DRC8: variants seen among roughly 807,000 people sequenced by gnomAD.
DRC8 encodes dynein regulatory complex subunit 8.
chr1:245,069,114 G>A, the DRC8 span, among the ~76,000 whole-genome samples: 3 of 151,988 alleles, frequency 2.0e-5, no homozygotes, highest in African/African-American at 7.3e-5. Context: ...ACAACATGGG[G>A]GTTCAAGGCA....
the DRC8 span, among the ~76,000 whole-genome samples, chr1:244,985,005 A>C: frequency 6.6e-6 from 1 of 151,362 alleles, no homozygotes; most frequent in Non-Finnish European, 1.5e-5. Flanking sequence ...TAAAATCCTT[A>C]ATGTCTTCCC....
the DRC8 span, among the ~76,000 whole-genome samples, chr1:245,051,232 A>G: frequency 6.9e-6 from 1 of 145,100 alleles, no homozygotes; most frequent in Non-Finnish European, 1.5e-5. Context: ...TCTATTAAGA[A>G]AAAAAAAAAA....
At chr1:245,070,163 C>T in the DRC8 span, among the ~76,000 whole-genome samples, 1,672 of 152,148 alleles carry the variant, frequency 0.011, 34 homozygotes, top group African/African-American at 0.037. Flanking sequence ...ATGAGGAGTC[C>T]GGGAACCAAT....
the DRC8 span, among the ~76,000 whole-genome samples, chr1:245,084,057 ATT>A: frequency 3.6e-4 from 23 of 64,006 alleles, no homozygotes; most frequent in South Asian, 6.3e-4. Flanking sequence ...GAATATAAAA[ATT>A]CCGCCCCCCC....
the DRC8 span, among the ~76,000 whole-genome samples, chr1:245,011,180 G>C: frequency 6.6e-6 from 1 of 152,158 alleles, no homozygotes. Flanking sequence ...TAAATAATTT[G>C]TAGATGAAAC....
the DRC8 span, among the ~76,000 whole-genome samples, chr1:245,117,561 T>G: frequency 1.3e-5 from 2 of 151,656 alleles, no homozygotes; most frequent in Non-Finnish European, 2.9e-5. Flanking sequence ...GGAGCTGGGA[T>G]TACAGGCGTG....
chr1:245,105,181 T>C, the DRC8 span, among the ~76,000 whole-genome samples: 1 of 152,320 alleles, frequency 6.6e-6, no homozygotes, highest in South Asian at 2.1e-4. Flanking sequence ...TGAATTTTTA[T>C]TGCCTTCCTT....
At chr1:245,032,561 T>C in the DRC8 span, among the ~76,000 whole-genome samples, 1 of 152,222 alleles carries the variant, frequency 6.6e-6, no homozygotes, top group Non-Finnish European at 1.5e-5. Context: ...GTACTTCTGT[T>C]TTTTACTGAA....
chr1:245,032,110 A>G, the DRC8 span, among the ~76,000 whole-genome samples: 1 of 152,048 alleles, frequency 6.6e-6, no homozygotes, highest in Non-Finnish European at 1.5e-5. Flanking sequence ...AACTTCATCC[A>G]TTTCATCTTC....
the DRC8 span, among the ~76,000 whole-genome samples, chr1:245,094,051 C>A: frequency 3.3e-4 from 51 of 152,252 alleles, 1 homozygote; most frequent in Middle Eastern, 0.01. Flanking sequence ...TAGTTTTAAA[C>A]TGTCTTGCTG....
At chr1:245,086,770 G>A in the DRC8 span, 245 of 533,544 alleles carry the variant, frequency 4.6e-4, 3 homozygotes, top group South Asian at 2.9e-3. Context: ...AGACAGGTAA[G>A]CTAAGGTGGG....
At chr1:245,000,712 C>T in the DRC8 span, among the ~76,000 whole-genome samples, 6 of 150,926 alleles carry the variant, frequency 4.0e-5, no homozygotes, top group Admixed American at 3.3e-4. Flanking sequence ...ACCCTGGAGG[C>T]GGAGCTTGCT....
At chr1:245,026,403 G>A in the DRC8 span, among the ~76,000 whole-genome samples, 3 of 152,176 alleles carry the variant, frequency 2.0e-5, no homozygotes, top group African/African-American at 7.2e-5. Context: ...CACATATAGT[G>A]CTGTTTTGAA....
the DRC8 span, chr1:244,969,809 G>A: frequency 5.6e-6 from 2 of 357,442 alleles, no homozygotes. Context: ...GTGAAGACTG[G>A]ACGGGAGAAA....
At chr1:245,112,575 G>A in the DRC8 span, among the ~76,000 whole-genome samples, 1 of 152,096 alleles carries the variant, frequency 6.6e-6, no homozygotes, top group Admixed American at 6.6e-5. Context: ...ACTTAACTGT[G>A]GTGGAATATA....
the DRC8 span, among the ~76,000 whole-genome samples, chr1:244,983,465 C>T: frequency 6.2e-4 from 94 of 152,092 alleles, 1 homozygote; most frequent in Non-Finnish European, 9.7e-4. Context: ...TCGGGCCTGG[C>T]GTGGTAGCTC....
At chr1:244,971,301 C>G in the DRC8 span, among the ~76,000 whole-genome samples, 1 of 152,232 alleles carries the variant, frequency 6.6e-6, no homozygotes, top group African/African-American at 2.4e-5. Flanking sequence ...GCCGGCCGGG[C>G]CTCTCCCAGG....
chr1:245,079,925 C>T, the DRC8 span, among the ~76,000 whole-genome samples: 5 of 152,232 alleles, frequency 3.3e-5, no homozygotes, highest in African/African-American at 1.2e-4. Flanking sequence ...GCAAAATGCT[C>T]GCCTTGGACT....
the DRC8 span, among the ~76,000 whole-genome samples, chr1:245,010,431 A>G: frequency 3.9e-5 from 6 of 152,264 alleles, no homozygotes; most frequent in East Asian, 5.8e-4. Flanking sequence ...ACCACATGAT[A>G]TGTCACACAC....
Sources: gnomAD v4.1 joint callset for allele counts (sites outside exome capture counted in the v4.1 genomes callset) on GRCh38, gnomAD v4.1.1 for gene constraint, MANE v1.5 for transcripts, NCBI Gene and HGNC (gene_info 2026-07-23, HGNC 2026-07-21) for gene names.